MAGI2: variants seen among roughly 807,000 people sequenced by gnomAD.
MAGI2 encodes membrane-associated guanylate kinase, WW and PDZ domain-containing protein 2.
A neutral mutation model predicts 133.3 loss-of-function variants in MAGI2; 35 were observed. The observed-to-expected ratio is 0.26, with a 90% CI of 0.20 to 0.35. The LOEUF (loss-of-function observed/expected upper bound fraction) is 0.35. Among genes scored for constraint, MAGI2 ranks in the 10% least tolerant of loss-of-function variants. MAGI2 has a pLI of 1.00. For synonymous variants in MAGI2, 729 were observed against 710.6 expected (o/e 1.03, Z -0.41); for missense variants, 1,636 against 1,863.4 (o/e 0.88, Z 2.25).
chr7:78,545,967 G>A lies in MAGI2; in HGVS notation c.539-24322C>T, dbSNP rs182256739. Among the ~76,000 whole-genome samples the A allele has an allele frequency of 3.3e-5, 5 of 152,126 alleles. No individual in the cohort carries two copies. In the East Asian group the frequency reaches 5.8e-4, roughly 18 times the overall value. The stretch of plus-strand genomic sequence containing the variant: ...TCCATTCTAAAACTAAGCCAAAAAC[G>A]TTAAATAATATATTGAATATTTTCC... On this transcript the variant is annotated intron_variant, in intron 3 of 21. Coordinates refer to ENST00000354212, the MANE Select transcript of MAGI2 (RefSeq NM_012301.4).
chr7:79,016,000 G>C (rs969023104), intron 1 of MAGI2, among the ~76,000 whole-genome samples: 12 of 78,832 alleles, frequency 1.5e-4, no homozygotes, highest in African/African-American at 6.5e-4. Context: ...TGGAGAAGCG[G>C]GGGGGGGGGG....
At chr7:78,601,040 C>A (rs566330407) in intron 3 of MAGI2, among the ~76,000 whole-genome samples, 1 of 152,106 alleles carries the variant, frequency 6.6e-6, no homozygotes, top group African/African-American at 2.4e-5. Flanking sequence ...AAGTAAAATA[C>A]ATTTATCTGA....
chr7:79,101,248 G>A (rs1464556290), intron 1 of MAGI2, among the ~76,000 whole-genome samples: 1 of 151,818 alleles, frequency 6.6e-6, no homozygotes, highest in Non-Finnish European at 1.5e-5. Flanking sequence ...CAATGCAAAG[G>A]TACTTATCCT....
At chr7:78,155,563 C>T (rs1824306783) in intron 16 of MAGI2, among the ~76,000 whole-genome samples, 1 of 152,038 alleles carries the variant, frequency 6.6e-6, no homozygotes, top group South Asian at 2.1e-4. Flanking sequence ...GCAGTGAGCC[C>T]AGATCATGCC....
intron 1 of MAGI2, among the ~76,000 whole-genome samples, chr7:79,355,714 T>C (rs1325959596): frequency 6.6e-6 from 1 of 152,240 alleles, no homozygotes; most frequent in African/African-American, 2.4e-5. Flanking sequence ...GAGTTCTACC[T>C]ATTTTTATCA....
chr7:78,634,450 C>A (rs1015584954), intron 2 of MAGI2, among the ~76,000 whole-genome samples: 2 of 152,076 alleles, frequency 1.3e-5, no homozygotes, highest in African/African-American at 2.4e-5. Flanking sequence ...GTTGATGTTA[C>A]GTCAATGGGC....
intron 2 of MAGI2, among the ~76,000 whole-genome samples, chr7:78,878,106 A>G (rs1795566623): frequency 6.6e-6 from 1 of 152,220 alleles, no homozygotes; most frequent in African/African-American, 2.4e-5. Flanking sequence ...GTGAAAATCA[A>G]GTGATATAAT....
At chr7:78,688,556 C>T (rs775806644) in intron 2 of MAGI2, among the ~76,000 whole-genome samples, 14 of 152,138 alleles carry the variant, frequency 9.2e-5, no homozygotes, top group Non-Finnish European at 1.6e-4. Context: ...AGAGTCTTGA[C>T]CTTTTATCTC....
chr7:78,783,432 G>A (rs80027867), intron 2 of MAGI2, among the ~76,000 whole-genome samples: 76 of 152,254 alleles, frequency 5.0e-4, no homozygotes, highest in East Asian at 7.7e-4. Flanking sequence ...AAATGTGTCA[G>A]TCTGAAGGTG....
At chr7:79,367,107 CG>C (rs761732568) in intron 1 of MAGI2, among the ~76,000 whole-genome samples, 1 of 152,142 alleles carries the variant, frequency 6.6e-6, no homozygotes, top group Admixed American at 6.5e-5. Flanking sequence ...CAAAAAAGAG[CG>C]TAATGGGAAA....
intron 9 of MAGI2, among the ~76,000 whole-genome samples, chr7:78,266,675 T>C (rs1375535859): frequency 6.6e-6 from 1 of 151,978 alleles, no homozygotes; most frequent in Admixed American, 6.6e-5. Flanking sequence ...CCTCCCGGGT[T>C]CAAGCAATTC....
rs1330322052 is a variant in MAGI2, at chr7:79,299,616, T to C, written c.301+153404A>G. Among the ~76,000 whole-genome samples, 4 of 144,568 alleles carry C rather than the reference T, an allele frequency of 2.8e-5. No homozygotes were observed. In the East Asian group the frequency reaches 8.2e-4, roughly 30 times the overall value. 94.8% of individuals were successfully genotyped at this position (144,568 alleles called of 152,430 possible). A position where few individuals can be genotyped will look rare whatever the true frequency, so the allele number is the denominator to read the frequency against. On this transcript the variant is annotated intron_variant, in intron 1 of 21. Transcript: ENST00000354212. The stretch of plus-strand genomic sequence containing the variant: ...AGGCATTCCTTTCTTGAAATGGTAA[T>C]ATAAAATTATATATTTCAAATCGGT...
intron 9 of MAGI2, among the ~76,000 whole-genome samples, chr7:78,285,993 T>C (rs952686561): frequency 3.9e-5 from 6 of 152,176 alleles, no homozygotes; most frequent in African/African-American, 1.2e-4. Context: ...ATAATCCTTA[T>C]GTATCATGCT....
intron 1 of MAGI2, among the ~76,000 whole-genome samples, chr7:79,071,040 T>A (rs761632508): frequency 1.3e-5 from 2 of 152,078 alleles, no homozygotes; most frequent in Non-Finnish European, 2.9e-5. Flanking sequence ...GTTTTTGGAG[T>A]TTTCAGCCTT....
rs557427724 is a variant in MAGI2, at chr7:79,237,322, G to T, written c.301+215698C>A. ...ATCCTGGCTAACACGGTGAAACCCCGTCTCTACTAAAAATACAAAAAATTA... is the reference window on the plus strand; with the variant it reads ...ATCCTGGCTAACACGGTGAAACCCCTTCTCTACTAAAAATACAAAAAATTA... On this transcript the variant is annotated intron_variant, in intron 1 of 21. Transcript: ENST00000354212. Among the ~76,000 whole-genome samples the T allele has an allele frequency of 9.9e-5, 15 of 152,176 alleles. No homozygotes were observed. In the East Asian group the frequency reaches 2.9e-3, roughly 30 times the overall value.
intron 2 of MAGI2, among the ~76,000 whole-genome samples, chr7:78,696,548 T>C (rs1270808847): frequency 1.3e-5 from 2 of 152,198 alleles, no homozygotes; most frequent in African/African-American, 4.8e-5. Flanking sequence ...AGGACAAACA[T>C]GTTAGTTTGC....
chr7:79,300,000 C>T (rs1209163338), intron 1 of MAGI2, among the ~76,000 whole-genome samples: 1 of 152,180 alleles, frequency 6.6e-6, no homozygotes, highest in Admixed American at 6.5e-5. Context: ...TGTCACTATG[C>T]TTCCTATATA....
intron 2 of MAGI2, among the ~76,000 whole-genome samples, chr7:78,776,568 T>G (rs902852566): frequency 3.3e-5 from 5 of 152,234 alleles, no homozygotes; most frequent in African/African-American, 1.2e-4. Flanking sequence ...TTTTTTCCAA[T>G]TAATTATTTT....
At chr7:78,317,609 G>A (rs1402854501) in intron 9 of MAGI2, among the ~76,000 whole-genome samples, 1 of 152,218 alleles carries the variant, frequency 6.6e-6, no homozygotes, top group East Asian at 1.9e-4. Flanking sequence ...AGAGAGCAGC[G>A]GATCTCCCAG....
Sources: allele counts gnomAD v4.1 joint callset (sites outside exome capture counted in the v4.1 genomes callset), GRCh38; gene constraint gnomAD v4.1.1; transcripts MANE v1.5; gene names NCBI Gene and HGNC (gene_info 2026-07-23, HGNC 2026-07-21).